DNM1L: variants seen among roughly 807,000 people sequenced by gnomAD.
DNM1L encodes dynamin-1-like protein.
In DNM1L, 33 loss-of-function variants were observed where a neutral mutation model predicts 92.8. The ratio of observed to expected loss-of-function variants is 0.36; its 90% confidence interval spans 0.27 to 0.48. The LOEUF (loss-of-function observed/expected upper bound fraction) is 0.48. Among genes scored for constraint, DNM1L ranks in the 20% least tolerant of loss-of-function variants. The pLI, the probability that DNM1L is intolerant of heterozygous loss-of-function variation, is 0.99. For synonymous variants in DNM1L, 284 were observed against 305.0 expected (o/e 0.93, Z 0.72); for missense variants, 485 against 888.8 (o/e 0.55, Z 5.78).
Position 32,731,699 on chromosome 12 carries a change from T to C in DNM1L, c.1357-155T>C, listed in dbSNP as rs2137525801. Among the ~76,000 whole-genome samples the C allele has an allele frequency of 6.6e-6, 1 of 152,256 alleles. No homozygotes were observed. The highest frequency in any genetic ancestry group is 1.9e-4 in the East Asian group (1 of 5,188). On this transcript the variant is annotated intron_variant, in intron 11 of 19. Transcript: ENST00000549701. This position sits in a 1 kb window ranked among gnomAD's most constrained non-coding sequence, Gnocchi z 5.1. ...ATTGAATTCAGTATTTCTGTGATCA[T>C]TAAGTAAAAGAAAATGACTGTTAGC...
In DNM1L at chr12:32,703,057, C is replaced by T. The variant is rs867509929; in HGVS notation, c.250+1495C>T. Reference sequence around the variant, plus strand: ...TGATATTAGGTCTTTCTCTCTCTCTCTTTTTTTTTTTTTTAACTTTCCATT... The same window carrying T: ...TGATATTAGGTCTTTCTCTCTCTCTTTTTTTTTTTTTTTTAACTTTCCATT... On this transcript the variant is annotated intron_variant, in intron 2 of 19. Transcript: ENST00000549701. 4.9e-3 allele frequency among the ~76,000 whole-genome samples: 682 copies of T among 139,882 alleles called. 7 individuals carry two copies. Among genetic ancestry groups the T allele is most frequent in the Middle Eastern group, 0.022 (6 of 268 alleles). 91.8% of individuals were successfully genotyped at this position (139,882 alleles called of 152,430 possible). A position where few individuals can be genotyped will look rare whatever the true frequency, so the allele number is the denominator to read the frequency against.
intron 6 of DNM1L, among the ~76,000 whole-genome samples, chr12:32,715,884 C>T (rs969424929): frequency 2.6e-5 from 4 of 152,124 alleles, no homozygotes; most frequent in East Asian, 1.9e-4. Context: ...TTAGCAGTCC[C>T]GTTCCTAGGT....
chr12:32,693,083 G>C (rs1198129138), intron 1 of DNM1L, among the ~76,000 whole-genome samples: 1 of 152,174 alleles, frequency 6.6e-6, no homozygotes. Context: ...CCAGACTGTA[G>C]GGTATATTTA....
At position 32,717,822 on chromosome 12, in the gene DNM1L, T is replaced by TTTAAA; in HGVS notation, c.620-821_620-820insTTAAA. On this transcript the variant is annotated intron_variant, in intron 6 of 19. Transcript: ENST00000549701. Reference sequence around the variant, plus strand: ...TAACTGAAATATATATACTATAAAATATATATAGTATATACTATATATATT... The same window carrying TTTAAA: ...TAACTGAAATATATATACTATAAAATTTAAAATATATAGTATATACTATATATATT... 1.8e-5 allele frequency among the ~76,000 whole-genome samples: 2 copies of TTTAAA among 112,258 alleles called. 1 individual carries two copies. The highest frequency in any genetic ancestry group is 3.4e-5 in the Non-Finnish European group (2 of 59,132). 73.6% of individuals were successfully genotyped at this position (112,258 alleles called of 152,430 possible). A position where few individuals can be genotyped will look rare whatever the true frequency, so the allele number is the denominator to read the frequency against.
At chr12:32,706,881 A>G (rs1261816014) in intron 2 of DNM1L, 1 of 332,824 alleles carries the variant, frequency 3.0e-6, no homozygotes, top group East Asian at 7.7e-5. Context: ...ACACATTGTA[A>G]AATTTTTCCT....
intron 1 of DNM1L, among the ~76,000 whole-genome samples, chr12:32,694,205 T>C (rs756077760): frequency 4.6e-5 from 7 of 152,124 alleles, no homozygotes; most frequent in Middle Eastern, 3.2e-3. Context: ...TGCCTCAGCC[T>C]ATCCTGAGTA....
chr12:32,734,347 C>A (rs1003527008), intron 13 of DNM1L, among the ~76,000 whole-genome samples: 8 of 152,018 alleles, frequency 5.3e-5, no homozygotes, highest in African/African-American at 1.9e-4. Context: ...TTCTCTGCCG[C>A]TTTTCTCCAA....
At chr12:32,736,067 C>CTTTTT (rs773591822) in intron 13 of DNM1L, among the ~76,000 whole-genome samples, 3 of 113,046 alleles carry the variant, frequency 2.7e-5, no homozygotes, top group South Asian at 3.2e-4. Context: ...TCTTCATAAT[C>CTTTTT]TTTTTTTTTT....
intron 9 of DNM1L, chr12:32,727,361 CA>C (rs1315692344): frequency 5.1e-6 from 4 of 782,130 alleles, no homozygotes; most frequent in Non-Finnish European, 9.5e-6. Context: ...GGCAGGTTGT[CA>C]ATGTCTGCCA....
chr12:32,737,788 A>G (rs1429288572), intron 14 of DNM1L, 77 bp from the exon 15 acceptor site: 1 of 1,116,618 alleles, frequency 9.0e-7, no homozygotes, highest in East Asian at 2.4e-5. Context: ...CAGAAGGGAA[A>G]AATTCATTTA....
chr12:32,737,735 C>G (rs1276277860), intron 14 of DNM1L, 130 bp from the exon 15 acceptor site: 1 of 750,496 alleles, frequency 1.3e-6, no homozygotes, highest in South Asian at 1.5e-5. Context: ...AAACAATCTC[C>G]CATGATTATT....
rs760954450 is a variant in DNM1L, at chr12:32,744,570, G to A, written c.*1160G>A. On this transcript the variant is annotated 3_prime_UTR_variant, in exon 20 of 20. Transcript: ENST00000549701. ...CTCTACTAAAAATACAAAATTGGCC[G>A]GGCGTGGTGGCGCATGCCTGTAATC... is the stretch of plus-strand genomic sequence containing the variant. 8 of 203,934 alleles carry A rather than the reference G, an allele frequency of 3.9e-5. No individual in the cohort carries two copies. Among genetic ancestry groups the A allele is most frequent in the Admixed American group, 1.8e-4 (3 of 16,338 alleles). 12.6% of individuals were successfully genotyped at this position (203,934 alleles called of 1,614,324 possible).
In DNM1L at chr12:32,707,390, A is replaced by C. The variant is rs1303300557; in HGVS notation, c.274A>C (p.Lys92Gln). Residue 92 changes from lysine (K) to glutamine (Q), a missense_variant, in exon 3 of 20, where the codon AAA becomes CAA. Physicochemically the swap from Lys to Gln is moderately conservative, Grantham distance 53. This residue lies in a region of DNM1L where 159 missense variants were observed against 275.9 expected (regional missense o/e 0.58). Transcript: ENST00000549701. ...AGGGGTGGAAGCAGAAGAATGGGGT[A>C]AATTTCTTCACACCAAAAATAAGGT... ...ENGVEAEEWG[K>Q]FLHTKNKLYT... 6.2e-7 allele frequency: 1 copy of C among 1,606,930 alleles called. No homozygotes were observed. The highest frequency in any genetic ancestry group is 1.3e-5 in the African/African-American group (1 of 74,660).
At chr12:32,683,395 A>T (rs1006884312) in intron 1 of DNM1L, among the ~76,000 whole-genome samples, 11 of 148,184 alleles carry the variant, frequency 7.4e-5, no homozygotes, top group African/African-American at 2.5e-4. Flanking sequence ...TTTTTTTTTT[A>T]AATTTAAAAT....
At chr12:32,686,937 C>CTTTTTTT (rs71447614) in intron 1 of DNM1L, among the ~76,000 whole-genome samples, 2 of 95,620 alleles carry the variant, frequency 2.1e-5, no homozygotes, top group Admixed American at 1.1e-4. Context: ...TCTTTTTTTT[C>CTTTTTTT]TTTTTTTTTT....
At chr12:32,717,226 ATATT>A (rs1317147848) in intron 6 of DNM1L, among the ~76,000 whole-genome samples, 3 of 111,274 alleles carry the variant, frequency 2.7e-5, no homozygotes, top group East Asian at 2.3e-4. Flanking sequence ...TATATAGTAT[ATATT>A]ATATATATTT....
At chr12:32,679,652 T>G (rs1951727485) in intron 1 of DNM1L, 187 bp downstream of exon 1, 1 of 1,304,534 alleles carries the variant, frequency 7.7e-7, no homozygotes, top group Non-Finnish European at 9.7e-7. Context: ...CGGGGCAGCG[T>G]TGCATCAAGG....
intron 16 of DNM1L, chr12:32,739,849 T>G: frequency 1.7e-6 from 1 of 582,544 alleles, no homozygotes; most frequent in Non-Finnish European, 3.0e-6. Context: ...GTTGATGCCT[T>G]GCAAACAACT....
chr12:32,744,304 A>AACTT lies in DNM1L; in HGVS notation c.*896_*899dup, dbSNP rs1237505940. On this transcript the variant is annotated 3_prime_UTR_variant, in exon 20 of 20. Coordinates refer to ENST00000549701, the MANE Select transcript of DNM1L (RefSeq NM_012062.5). Reference sequence around the variant, plus strand: ...GGCTCTAAGATTCACTTTGAGGTGGAACTTAAAACCAGTGTACTGTATGTA... The same window carrying AACTT: ...GGCTCTAAGATTCACTTTGAGGTGGAACTTACTTAAAACCAGTGTACTGTATGTA... The AACTT allele has an allele frequency of 2.6e-5, 4 of 152,436 alleles. No homozygotes were observed. Among genetic ancestry groups the AACTT allele is most frequent in the Non-Finnish European group, 4.4e-5 (3 of 68,210 alleles). 9.4% of individuals were successfully genotyped at this position (152,436 alleles called of 1,614,324 possible). A position where few individuals can be genotyped will look rare whatever the true frequency, so the allele number is the denominator to read the frequency against.
Sources: allele counts gnomAD v4.1 joint callset (sites outside exome capture counted in the v4.1 genomes callset), GRCh38; gene constraint gnomAD v4.1.1; regional missense constraint gnomAD v4.1.1; non-coding constraint Gnocchi (gnomAD v3.1); transcripts MANE v1.5; gene names NCBI Gene and HGNC (gene_info 2026-07-23, HGNC 2026-07-21).